The following TCEANC2 variants were observed in gnomAD, a reference collection of about 807,000 sequenced individuals.
TCEANC2 encodes the protein transcription elongation factor A N-terminal and central domain-containing protein 2.
Under a neutral mutation model 22.8 loss-of-function variants are expected in TCEANC2, and 20 were observed. The observed-to-expected ratio is 0.88, with a 90% CI of 0.62 to 1.28. The LOEUF is 1.28. Ranked by LOEUF, TCEANC2 falls within the 50% of genes most tolerant of loss-of-function variation. TCEANC2 has a pLI of 0.00. For synonymous variants in TCEANC2, 84 were observed against 95.5 expected (o/e 0.88, Z 0.70); for missense variants, 251 against 249.7 (o/e 1.01, Z -0.03).
intron 3 of TCEANC2, among the ~76,000 whole-genome samples, chr1:54,086,676 A>C (rs957861297): frequency 2.6e-5 from 4 of 152,196 alleles, no homozygotes; most frequent in African/African-American, 9.7e-5. Context: ...AAAAGGTAAG[A>C]GTGGATATAG....
downstream of TCEANC2, among the ~76,000 whole-genome samples, chr1:54,106,762 GAAAA>G (rs111305948): frequency 6.8e-6 from 1 of 146,520 alleles, no homozygotes; most frequent in East Asian, 2.0e-4. Context: ...TTGAGAAAAA[GAAAA>G]AAAAAAGATG....
chr1:54,095,862 G>A (rs1462693042), intron 4 of TCEANC2, among the ~76,000 whole-genome samples: 1 of 152,134 alleles, frequency 6.6e-6, no homozygotes, highest in African/African-American at 2.4e-5. Context: ...TTTTTGAACT[G>A]TTCTGTACAC....
At chr1:54,067,845 A>G (rs1036101573) in intron 2 of TCEANC2, among the ~76,000 whole-genome samples, 2 of 152,258 alleles carry the variant, frequency 1.3e-5, no homozygotes, top group African/African-American at 4.8e-5. Flanking sequence ...ATCAAAAAAC[A>G]GTATTACCAG....
rs903296258 is a variant in TCEANC2 at position 54,104,833 on chromosome 1, C to T, written c.*8360C>T. 3.1e-5 allele frequency: 11 copies of T among 350,342 alleles called. No homozygotes were observed. The highest frequency in any genetic ancestry group is 1.3e-4 in the African/African-American group (6 of 46,672). 21.7% of individuals were successfully genotyped at this position (350,342 alleles called of 1,614,324 possible). A position where few individuals can be genotyped will look rare whatever the true frequency, so the allele number is the denominator to read the frequency against. On this transcript the variant is annotated 3_prime_UTR_variant, in exon 5 of 5. Transcript: ENST00000234827. ...CTGGGATTACAGGCGTGAGCCACTGCGCCTGGCCCCTTGCCCAATATTTAT... is the reference window on the plus strand; with the variant it reads ...CTGGGATTACAGGCGTGAGCCACTGTGCCTGGCCCCTTGCCCAATATTTAT...
intron 3 of TCEANC2, 39 bp from the exon 4 acceptor site, chr1:54,088,558 G>A (rs1557693136): frequency 7.8e-6 from 12 of 1,547,910 alleles, no homozygotes; most frequent in Non-Finnish European, 1.0e-5. Context: ...AGAAGAAGAT[G>A]TAACAACCTT....
intron 3 of TCEANC2, 56 bp from the exon 4 acceptor site, chr1:54,088,541 G>A (rs1391014770): frequency 2.2e-5 from 32 of 1,450,748 alleles, no homozygotes; most frequent in Non-Finnish European, 2.9e-5. Context: ...CTAGTCCTGC[G>A]CTTCTCAGAA....
intron 3 of TCEANC2, among the ~76,000 whole-genome samples, chr1:54,081,367 T>C (rs1049346043): frequency 6.6e-6 from 1 of 152,194 alleles, no homozygotes; most frequent in African/African-American, 2.4e-5. Context: ...TAGCTGGGAC[T>C]GTAGGCATGT....
At chr1:54,085,331 G>A (rs1195589671) in intron 3 of TCEANC2, among the ~76,000 whole-genome samples, 1 of 152,108 alleles carries the variant, frequency 6.6e-6, no homozygotes. Context: ...AAACAATATT[G>A]GGCCATGCAG....
At chr1:54,075,176 T>C (rs1263764871) in intron 3 of TCEANC2, among the ~76,000 whole-genome samples, 1 of 152,200 alleles carries the variant, frequency 6.6e-6, no homozygotes, top group African/African-American at 2.4e-5. Flanking sequence ...TACAGAATAA[T>C]GCATGGTTCA....
At chr1:54,066,183 A>C (rs531310788) in intron 2 of TCEANC2, among the ~76,000 whole-genome samples, 1 of 151,634 alleles carries the variant, frequency 6.6e-6, no homozygotes, top group Admixed American at 6.6e-5. Context: ...CCTGGAGTTG[A>C]AGGCTACAGT....
chr1:54,111,373 G>A (rs777794133), exon 5 of TCEANC2: 1 of 152,260 alleles, frequency 6.6e-6, no homozygotes, highest in Admixed American at 6.5e-5. Flanking sequence ...ATAAGGTAAA[G>A]CTGTGTTAGT....
At chr1:54,095,704 A>T (rs1658533397) in intron 4 of TCEANC2, among the ~76,000 whole-genome samples, 1 of 152,174 alleles carries the variant, frequency 6.6e-6, no homozygotes, top group Non-Finnish European at 1.5e-5. Flanking sequence ...AAAGGGAAGA[A>T]ACATGAACTT....
At chr1:54,064,029 A>T (rs1657904101) in intron 2 of TCEANC2, among the ~76,000 whole-genome samples, 1 of 152,232 alleles carries the variant, frequency 6.6e-6, no homozygotes, top group Admixed American at 6.5e-5. Context: ...AAATCTTGGC[A>T]AAGGCAAATG....
At chr1:54,079,691 G>T (rs2100372634) in intron 3 of TCEANC2, among the ~76,000 whole-genome samples, 1 of 152,240 alleles carries the variant, frequency 6.6e-6, no homozygotes, top group Non-Finnish European at 1.5e-5. Flanking sequence ...ACTTGGAAAA[G>T]CCAGGCTAAT....
At chr1:54,059,732 G>C (rs1488150709) in intron 2 of TCEANC2, among the ~76,000 whole-genome samples, 3 of 152,074 alleles carry the variant, frequency 2.0e-5, no homozygotes, top group Non-Finnish European at 4.4e-5. Flanking sequence ...ATTATGTTCT[G>C]ATCTGCTCCA....
rs538127698 is a variant in TCEANC2 at position 54,096,402 on chromosome 1, G to A, written c.556G>A (p.Ala186Thr). The part of the protein sequence containing the change: ...RALVFTLKHR[A>T]EIRAQVKSGS... ...CCTGGTCTTCACATTAAAGCACCGA[G>A]CTGAAATCCGGGCTCAGGTGAAGAG... is the stretch of plus-strand genomic sequence containing the variant. The change falls in exon 5 of 5, where the codon GCT becomes ACT. Residue 186 changes from alanine to threonine, a missense_variant. Transcript: ENST00000234827. The surrounding 1 kb of genome is among the most constrained non-coding windows in gnomAD (Gnocchi z 4.9). The A allele has an allele frequency of 8.8e-5, 142 of 1,613,618 alleles. 1 individual carries two copies. The South Asian group carries it at 1.4e-3, about 16-fold the overall frequency.
At chr1:54,077,317 G>A (rs1428006236) in intron 3 of TCEANC2, among the ~76,000 whole-genome samples, 1 of 151,914 alleles carries the variant, frequency 6.6e-6, no homozygotes, top group Non-Finnish European at 1.5e-5. Context: ...TCTTTTTATA[G>A]CCAGATTCCT....
Position 54,097,933 on chromosome 1 carries a change from C to T in TCEANC2, c.*1460C>T, listed in dbSNP as rs758297347. ...TACAAAAAGAAAATACCCAGTTAAA[C>T]ATGAGAAAAGTGAGGCTCAGAAAGG... On this transcript the variant is annotated 3_prime_UTR_variant, in exon 5 of 5. Coordinates refer to ENST00000234827, the MANE Select transcript of TCEANC2 (RefSeq NM_153035.3). The T allele has an allele frequency of 6.6e-6, 1 of 152,188 alleles. No individual in the cohort carries two copies. The highest frequency in any genetic ancestry group is 1.5e-5 in the Non-Finnish European group (1 of 68,030). 9.4% of individuals were successfully genotyped at this position (152,188 alleles called of 1,614,324 possible).
chr1:54,088,904 C>A, intron 4 of TCEANC2, 114 bp downstream of exon 4: 1 of 590,240 alleles, frequency 1.7e-6, no homozygotes, highest in Non-Finnish European at 2.7e-6. Context: ...CTTGGTTAAA[C>A]GCCTCATAAT....
Sources: allele counts gnomAD v4.1 joint callset (sites outside exome capture counted in the v4.1 genomes callset), GRCh38; gene constraint gnomAD v4.1.1; non-coding constraint Gnocchi (gnomAD v3.1); transcripts MANE v1.5; gene names NCBI Gene and HGNC (gene_info 2026-07-23, HGNC 2026-07-21).